Variants in KIAA1958 observed in about 807,000 individuals in gnomAD.
The protein encoded by KIAA1958 is uncharacterized protein KIAA1958.
Under a neutral mutation model 47.2 loss-of-function variants are expected in KIAA1958, and 14 were observed. The observed-to-expected ratio is 0.30, with a 90% CI of 0.20 to 0.46. The LOEUF (loss-of-function observed/expected upper bound fraction) is 0.46, where lower values mean the gene tolerates loss of function less well. Ranked by LOEUF, KIAA1958 falls within the 20% of genes least tolerant of loss-of-function variation. The pLI, the probability that KIAA1958 is intolerant of heterozygous loss-of-function variation, is 1.00. For synonymous variants in KIAA1958, 354 were observed against 353.3 expected (o/e 1.00, Z -0.02); for missense variants, 803 against 909.2 (o/e 0.88, Z 1.50).
intron 1 of KIAA1958, among the ~76,000 whole-genome samples, chr9:112,525,754 T>C (rs913492536): frequency 6.6e-6 from 1 of 151,834 alleles, no homozygotes; most frequent in Non-Finnish European, 1.5e-5. Flanking sequence ...TCCTTGATTA[T>C]TGTTACTGTT....
chr9:112,634,297 C>T (rs553693825), intron 2 of KIAA1958, among the ~76,000 whole-genome samples: 23 of 152,148 alleles, frequency 1.5e-4, no homozygotes, highest in Non-Finnish European at 2.5e-4. Context: ...GGCGCAATCT[C>T]GGCTCCCTGC....
At position 112,504,599 on chromosome 9, in the gene KIAA1958, C is replaced by A. The variant is rs1834203147; in HGVS notation, c.-25+17481C>A. On this transcript the variant is annotated intron_variant, in intron 1 of 3. Transcript: ENST00000337530. ...ATTGTATGTTTCATCCCCATTTAAT[C>A]TGAGGTTATCCAGCACTGGAGTGAT... 2.0e-5 allele frequency among the ~76,000 whole-genome samples: 3 copies of A among 152,128 alleles called. No individual in the cohort carries two copies. In the South Asian group the frequency reaches 6.2e-4, roughly 32 times the overall value.
intron 1 of KIAA1958, among the ~76,000 whole-genome samples, chr9:112,548,414 A>G (rs1835080417): frequency 6.6e-6 from 1 of 152,140 alleles, no homozygotes; most frequent in Non-Finnish European, 1.5e-5. Context: ...CCTAAAATGT[A>G]TGAAACCAGG....
At chr9:112,556,714 T>C (rs1451563590) in intron 1 of KIAA1958, among the ~76,000 whole-genome samples, 1 of 152,242 alleles carries the variant, frequency 6.6e-6, no homozygotes, top group African/African-American at 2.4e-5. Context: ...AAACGATGCA[T>C]ACTTGTTGAA....
chr9:112,658,905 A>G (rs1335348221), intron 3 of KIAA1958, among the ~76,000 whole-genome samples: 1 of 151,134 alleles, frequency 6.6e-6, no homozygotes, highest in East Asian at 1.9e-4. Flanking sequence ...CTATAGTCCC[A>G]GCTACTCGGA....
chr9:112,491,711 C>T (rs1833973736), intron 1 of KIAA1958, among the ~76,000 whole-genome samples: 1 of 151,988 alleles, frequency 6.6e-6, no homozygotes. Flanking sequence ...ACACATAACT[C>T]TTTTTAATTC....
At chr9:112,502,788 T>C (rs1034827626) in intron 1 of KIAA1958, among the ~76,000 whole-genome samples, 1 of 152,226 alleles carries the variant, frequency 6.6e-6, no homozygotes, top group Non-Finnish European at 1.5e-5. Flanking sequence ...AGAAAATATT[T>C]ACTATCTGAC....
At chr9:112,584,394 T>C (rs879423968) in intron 2 of KIAA1958, among the ~76,000 whole-genome samples, 1 of 152,216 alleles carries the variant, frequency 6.6e-6, no homozygotes, top group Non-Finnish European at 1.5e-5. Flanking sequence ...GTGATTACTT[T>C]TAAAAATAGA....
At chr9:112,494,109 T>TGTGTTGTC (rs1416657537) in intron 1 of KIAA1958, among the ~76,000 whole-genome samples, 2 of 152,244 alleles carry the variant, frequency 1.3e-5, no homozygotes, top group African/African-American at 4.8e-5. Flanking sequence ...TGTCAAACTG[T>TGTGTTGTC]AATACCAATA....
chr9:112,653,628 C>G (rs890304058), intron 3 of KIAA1958, among the ~76,000 whole-genome samples: 1 of 152,284 alleles, frequency 6.6e-6, no homozygotes, highest in Admixed American at 6.5e-5. Context: ...AAGCAGGCCA[C>G]GTGCGGTCAC....
chr9:112,631,389 G>A (rs1486322402), intron 2 of KIAA1958, among the ~76,000 whole-genome samples: 1 of 151,956 alleles, frequency 6.6e-6, no homozygotes, highest in African/African-American at 2.4e-5. Flanking sequence ...AGTCTAGTCT[G>A]GTGGTGCGCA....
intron 1 of KIAA1958, among the ~76,000 whole-genome samples, chr9:112,495,718 C>T (rs944784834): frequency 1.3e-5 from 2 of 152,200 alleles, no homozygotes; most frequent in Admixed American, 6.5e-5. Flanking sequence ...CTAGAATGCT[C>T]ATAGCACATT....
In KIAA1958 at chr9:112,659,231, A is replaced by G. The variant is rs527793524; in HGVS notation, c.1345-32A>G. On this transcript the variant is annotated intron_variant, in intron 3 of 3. Transcript: ENST00000337530. ...GAGGGGTCTGGCTGTGTGAGTGTCAAGTGTGTAACCTCCGTGTTTGTCTCA... is the reference window on the plus strand; with the variant it reads ...GAGGGGTCTGGCTGTGTGAGTGTCAGGTGTGTAACCTCCGTGTTTGTCTCA... 5.7e-6 allele frequency: 9 copies of G among 1,575,428 alleles called. No individual in the cohort carries two copies. In the African/African-American group the frequency reaches 1.2e-4, roughly 21 times the overall value.
chr9:112,535,934 C>G (rs1321113330), intron 1 of KIAA1958, among the ~76,000 whole-genome samples: 1 of 152,138 alleles, frequency 6.6e-6, no homozygotes. Flanking sequence ...TCAGTTCTGA[C>G]TTTTTCTTCA....
chr9:112,506,308 T>C (rs1834234130), intron 1 of KIAA1958, among the ~76,000 whole-genome samples: 1 of 151,758 alleles, frequency 6.6e-6, no homozygotes, highest in South Asian at 2.1e-4. Flanking sequence ...TACAAAAAAT[T>C]AGCTGGGCGT....
intron 1 of KIAA1958, among the ~76,000 whole-genome samples, chr9:112,537,975 A>G (rs1476212419): frequency 6.6e-6 from 1 of 152,200 alleles, no homozygotes; most frequent in African/African-American, 2.4e-5. Context: ...AGTAAGGGGA[A>G]GGAATAAGAT....
chr9:112,520,189 A>T (rs1031908932), intron 1 of KIAA1958, among the ~76,000 whole-genome samples: 1 of 152,236 alleles, frequency 6.6e-6, no homozygotes, highest in African/African-American at 2.4e-5. Flanking sequence ...AATAGAAAAG[A>T]TAGAGGTAGA....
chr9:112,503,050 C>T (rs4979125), intron 1 of KIAA1958, among the ~76,000 whole-genome samples: 39,064 of 151,892 alleles, frequency 0.26, 5,117 homozygotes, highest in Middle Eastern at 0.38. Flanking sequence ...CCTCATAGAG[C>T]TTAAATTTTA....
At chr9:112,643,762 T>C (rs1411592962) in intron 2 of KIAA1958, among the ~76,000 whole-genome samples, 1 of 151,772 alleles carries the variant, frequency 6.6e-6, no homozygotes, top group African/African-American at 2.4e-5. Context: ...TCCTAAAAAA[T>C]AGTAAAGCAA....
Sources: gnomAD v4.1 joint callset for allele counts (sites outside exome capture counted in the v4.1 genomes callset) on GRCh38, gnomAD v4.1.1 for gene constraint, MANE v1.5 for transcripts, NCBI Gene and HGNC (gene_info 2026-07-23, HGNC 2026-07-21) for gene names.